CSMD3: variants seen among roughly 807,000 people sequenced by gnomAD.
The protein encoded by CSMD3 is CUB and sushi domain-containing protein 3.
Under a neutral mutation model 435.2 loss-of-function variants are expected in CSMD3, and 177 were observed. The observed-to-expected ratio is 0.41, with a 90% CI of 0.36 to 0.46. CSMD3 has a LOEUF of 0.46. Ranked by LOEUF, CSMD3 falls within the 20% of genes least tolerant of loss-of-function variation. CSMD3 has a pLI of 0.34. For synonymous variants in CSMD3, 1,656 were observed against 1,520.5 expected, an observed-to-expected ratio of 1.09 and a Z score of -2.07; for missense variants, 4,265 against 4,504.6, an observed-to-expected ratio of 0.95 and a Z score of 1.52.
intron 13 of CSMD3, among the ~76,000 whole-genome samples, chr8:112,744,568 A>G (rs1225100040): frequency 1.3e-5 from 2 of 152,034 alleles, no homozygotes; most frequent in Non-Finnish European, 2.9e-5. Flanking sequence ...CATGGTTTCA[A>G]ATGGAGTACT....
intron 1 of CSMD3, among the ~76,000 whole-genome samples, chr8:113,326,589 T>C (rs2093985505): frequency 6.6e-6 from 1 of 152,130 alleles, no homozygotes; most frequent in Non-Finnish European, 1.5e-5. Context: ...CTCTACATTT[T>C]AAAGATGAAG....
intron 6 of CSMD3, among the ~76,000 whole-genome samples, chr8:112,977,860 C>T (rs897413869): frequency 4.6e-5 from 7 of 151,968 alleles, no homozygotes; most frequent in Non-Finnish European, 1.0e-4. Flanking sequence ...AATCAGGTTG[C>T]AATATTTAGT....
intron 1 of CSMD3, among the ~76,000 whole-genome samples, chr8:113,421,291 A>G (rs2094607679): frequency 6.6e-6 from 1 of 152,196 alleles, no homozygotes; most frequent in African/African-American, 2.4e-5. Flanking sequence ...GACAATGAAT[A>G]TTAGTTTCTT....
chr8:112,474,699 T>C (rs1206087581), intron 31 of CSMD3, among the ~76,000 whole-genome samples: 6 of 152,170 alleles, frequency 3.9e-5, no homozygotes, highest in African/African-American at 1.2e-4. Flanking sequence ...AGAAGAGTTA[T>C]GACAGTTTGA....
rs1255143457 is a variant in CSMD3 at position 112,234,458 on chromosome 8, T to C, written c.10647A>G (p.Glu3549=). The change falls in exon 68 of 71, where the codon GAA becomes GAG. Residue 3549 remains glutamate, a synonymous_variant. Transcript: ENST00000297405. The part of the protein sequence containing the change: ...LLLSGVYKSQ[E]ARLMLRIYLI... ...GATATATGCGTAACATTAGGCGAGCTTCCTGGCTTTTATATACCCCTGTAA... is the reference window on the plus strand; with the variant it reads ...GATATATGCGTAACATTAGGCGAGCCTCCTGGCTTTTATATACCCCTGTAA... 1 of 1,609,096 alleles carries C rather than the reference T, an allele frequency of 6.2e-7. No individual in the cohort carries two copies. The highest frequency in any genetic ancestry group is 1.7e-5 in the Admixed American group (1 of 60,006).
At chr8:112,885,409 C>T (rs2081562724) in intron 10 of CSMD3, among the ~76,000 whole-genome samples, 1 of 150,968 alleles carries the variant, frequency 6.6e-6, no homozygotes, top group African/African-American at 2.4e-5. Context: ...GAACTATATG[C>T]TACTATAGTT....
intron 13 of CSMD3, among the ~76,000 whole-genome samples, chr8:112,693,220 T>C (rs1049498531): frequency 6.6e-6 from 1 of 152,108 alleles, no homozygotes; most frequent in Non-Finnish European, 1.5e-5. Flanking sequence ...TATTTTAGAA[T>C]GTGATATATA....
At chr8:112,609,319 A>G (rs1199195741) in intron 22 of CSMD3, among the ~76,000 whole-genome samples, 1 of 150,726 alleles carries the variant, frequency 6.6e-6, no homozygotes, top group Non-Finnish European at 1.5e-5. Context: ...TTTATTTTTT[A>G]AACCTCAAGC....
chr8:113,076,587 A>T (rs1489050496), intron 5 of CSMD3, among the ~76,000 whole-genome samples: 1 of 152,136 alleles, frequency 6.6e-6, no homozygotes, highest in African/African-American at 2.4e-5. Flanking sequence ...AGTAATTTAG[A>T]CATAGAGCTA....
At chr8:112,812,605 T>A (rs1446001323) in intron 12 of CSMD3, among the ~76,000 whole-genome samples, 1 of 152,228 alleles carries the variant, frequency 6.6e-6, no homozygotes. Flanking sequence ...CTCTGCTTTA[T>A]GCCTCTCTGT....
intron 1 of CSMD3, among the ~76,000 whole-genome samples, chr8:113,421,274 T>C (rs1018786430): frequency 6.6e-6 from 1 of 152,116 alleles, no homozygotes; most frequent in Non-Finnish European, 1.5e-5. Context: ...TGCACTGTGA[T>C]TGGGGTGACA....
At position 113,034,289 on chromosome 8, in the gene CSMD3, A is replaced by C. The variant is rs2087246489; in HGVS notation, c.918-15110T>G. ...ATTACTCTTACTAACCCAAAACTGG[A>C]AACAGCCCAATTGTTCATCAACTGA... On this transcript the variant is annotated intron_variant, in intron 5 of 70. Coordinates refer to ENST00000297405, the MANE Select transcript of CSMD3 (RefSeq NM_198123.2). 1.3e-5 allele frequency among the ~76,000 whole-genome samples: 2 copies of C among 150,846 alleles called. 1 individual carries two copies. The highest frequency in any genetic ancestry group is 3.0e-5 in the Non-Finnish European group (2 of 67,340).
chr8:113,141,699 C>G (rs1250096282), intron 4 of CSMD3, among the ~76,000 whole-genome samples: 1 of 150,882 alleles, frequency 6.6e-6, no homozygotes, highest in African/African-American at 2.4e-5. Flanking sequence ...TAACAAAGAA[C>G]ATTAACAAAT....
chr8:113,023,143 T>C (rs1237774004), intron 5 of CSMD3, among the ~76,000 whole-genome samples: 1 of 152,100 alleles, frequency 6.6e-6, no homozygotes, highest in Non-Finnish European at 1.5e-5. Context: ...TGTCAGGTCC[T>C]CATTTCAGCC....
chr8:112,506,846 CAAAT>C lies in CSMD3; in HGVS notation c.4757-21_4757-18del, dbSNP rs761097258. 9.2e-5 allele frequency: 147 copies of C among 1,599,918 alleles called. No individual in the cohort carries two copies. Among genetic ancestry groups the C allele is most frequent in the Non-Finnish European group, 1.2e-4 (135 of 1,169,556 alleles). On this transcript the variant is annotated intron_variant, in intron 28 of 70. Transcript: ENST00000297405. ...CACAGGGTGCTTTAATTTAAACAAACAAATAAAATCTCTTTAAACATTAATACAA... is the reference window on the plus strand; with the variant it reads ...CACAGGGTGCTTTAATTTAAACAAACAAAATCTCTTTAAACATTAATACAA...
At chr8:112,479,589 C>A (rs956114926) in intron 31 of CSMD3, among the ~76,000 whole-genome samples, 2 of 152,198 alleles carry the variant, frequency 1.3e-5, no homozygotes, top group Non-Finnish European at 2.9e-5. Context: ...CTGCTCCCTG[C>A]ATCCCAGCCA....
intron 5 of CSMD3, among the ~76,000 whole-genome samples, chr8:113,087,286 G>C (rs1307933675): frequency 6.6e-6 from 1 of 151,574 alleles, no homozygotes; most frequent in Non-Finnish European, 1.5e-5. Flanking sequence ...TATTGCCCAA[G>C]GTAATTTACA....
At chr8:112,349,932 T>C (rs553646105) in intron 40 of CSMD3, among the ~76,000 whole-genome samples, 7 of 152,178 alleles carry the variant, frequency 4.6e-5, no homozygotes, top group South Asian at 4.1e-4. Flanking sequence ...TATTTGGAGA[T>C]AGGGCCTTAA....
chr8:112,727,976 A>G (rs940908937), intron 13 of CSMD3, among the ~76,000 whole-genome samples: 41 of 152,074 alleles, frequency 2.7e-4, no homozygotes, highest in Non-Finnish European at 4.7e-4. Flanking sequence ...CTTGTGTTAC[A>G]TTGGCAACAA....
Sources: allele counts gnomAD v4.1 joint callset (sites outside exome capture counted in the v4.1 genomes callset), GRCh38; gene constraint gnomAD v4.1.1; transcripts MANE v1.5; gene names NCBI Gene and HGNC (gene_info 2026-07-23, HGNC 2026-07-21).